The following PPIB variants were observed in gnomAD, a reference collection of about 807,000 sequenced individuals.
PPIB encodes the protein peptidylprolyl isomerase B.
PPIB carries 15 observed loss-of-function variants against 20.1 expected under a neutral mutation model. The observed-to-expected ratio is 0.75, with a 90% CI of 0.50 to 1.15. The LOEUF (loss-of-function observed/expected upper bound fraction) is 1.15, where lower values mean the gene tolerates loss of function less well. Ranked by LOEUF, PPIB falls within the 50% of genes most tolerant of loss-of-function variation. PPIB has a pLI of 0.00. For synonymous variants in PPIB, 129 were observed against 111.0 expected, an observed-to-expected ratio of 1.16 and a Z score of -1.02; for missense variants, 278 against 283.0, an observed-to-expected ratio of 0.98 and a Z score of 0.13.
chr15:64,159,726 G>T lies in PPIB; in HGVS notation c.343+378C>A. ...CACTCTTGCTGGGGCTTCCAGGGTA[G>T]CCTGGACAGGCTTTGGGCATCTGAC... On this transcript the variant is annotated intron_variant, in intron 3 of 4. Transcript: ENST00000300026. This position sits in a 1 kb window ranked among gnomAD's most constrained non-coding sequence, Gnocchi z 5.1. 1 of 333,462 alleles carries T rather than the reference G, an allele frequency of 3.0e-6. No homozygotes were observed. The highest frequency in any genetic ancestry group is 2.7e-5 in the South Asian group (1 of 36,840). 20.7% of individuals were successfully genotyped at this position (333,462 alleles called of 1,614,324 possible). A position where few individuals can be genotyped will look rare whatever the true frequency, so the allele number is the denominator to read the frequency against.
In PPIB at chr15:64,157,834, CA is replaced by C. The variant is rs1193337068; in HGVS notation, c.344-926del. On this transcript the variant is annotated intron_variant, in intron 3 of 4. Coordinates refer to ENST00000300026, the MANE Select transcript of PPIB (RefSeq NM_000942.5). The surrounding 1 kb of genome is among the most constrained non-coding windows in gnomAD (Gnocchi z 4.2). Reference sequence around the variant, plus strand: ...AACCAGGAAGATGTTTCTGATTGGGCAGCAGGTAGGATGACTGAAAACCAAG... The same window carrying C: ...AACCAGGAAGATGTTTCTGATTGGGCGCAGGTAGGATGACTGAAAACCAAG... Among the ~76,000 whole-genome samples, 5 of 152,302 alleles carry C rather than the reference CA, an allele frequency of 3.3e-5. No homozygotes were observed. The South Asian group carries it at 1.0e-3, about 32-fold the overall frequency.
chr15:64,162,267 A>C (rs1596031498), intron 1 of PPIB, 113 bp from the exon 2 acceptor site: 1 of 812,818 alleles, frequency 1.2e-6, no homozygotes, highest in East Asian at 2.4e-5. Flanking sequence ...ATATTTTTAG[A>C]GAAGTGGTTC....
rs2081530259 is a variant in PPIB at position 64,156,205 on chromosome 15, G to A, written c.529-60C>T. The A allele has an allele frequency of 8.1e-6, 13 of 1,606,112 alleles. No homozygotes were observed. Among genetic ancestry groups the A allele is most frequent in the Non-Finnish European group, 1.1e-5 (13 of 1,174,910 alleles). On this transcript the variant is annotated intron_variant, in intron 4 of 4. Transcript: ENST00000300026. This position sits in a 1 kb window ranked among gnomAD's most constrained non-coding sequence, Gnocchi z 6.4. ...GGATCAGGAGGTCCACCGCTCAGGAGAAAGGCCCCAGCGTATGGCTCAGGA... is the reference window on the plus strand; with the variant it reads ...GGATCAGGAGGTCCACCGCTCAGGAAAAAGGCCCCAGCGTATGGCTCAGGA...
Position 64,160,252 on chromosome 15 carries a change from A to G in PPIB, c.250-55T>C. 2.8e-6 allele frequency: 4 copies of G among 1,403,804 alleles called. No individual in the cohort carries two copies. In the South Asian group the frequency reaches 4.6e-5, roughly 16 times the overall value. The allele number at this position is 1,403,804 out of a possible 1,614,324, so 87.0% of individuals were successfully genotyped here. ...TGGTATGGGGCAGCAGGAAGACATT[A>G]CATTAAATAGGCCTCACAGGAACAA... On this transcript the variant is annotated intron_variant, in intron 2 of 4. Transcript: ENST00000300026. This position sits in a 1 kb window ranked among gnomAD's most constrained non-coding sequence, Gnocchi z 4.8.
At chr15:64,162,486 T>C (rs2081568392) in intron 1 of PPIB, among the ~76,000 whole-genome samples, 2 of 152,254 alleles carry the variant, frequency 1.3e-5, no homozygotes, top group Non-Finnish European at 2.9e-5. Context: ...GTTTGAAGTA[T>C]ACATACTGTG....
intron 1 of PPIB, 98 bp downstream of exon 1, chr15:64,162,752 CCA>C: frequency 1.3e-6 from 2 of 1,539,488 alleles, no homozygotes; most frequent in African/African-American, 2.7e-5. Context: ...CGCCACGAGG[CCA>C]CAGACAGAAG....
In PPIB at chr15:64,155,952, G is replaced by A; in HGVS notation, c.*71C>T. The A allele has an allele frequency of 3.7e-6, 6 of 1,610,984 alleles. No individual in the cohort carries two copies. In the South Asian group the frequency reaches 5.5e-5, roughly 15 times the overall value. ...ACCAGATGCCAGCACCGGGGCCAGT[G>A]CAGCTCAGAGCCCTGTGGCGGACTA... On this transcript the variant is annotated 3_prime_UTR_variant, in exon 5 of 5. Transcript: ENST00000300026.
rs1201669579 is a variant in PPIB, at chr15:64,157,165, G to A, written c.344-256C>T. On this transcript the variant is annotated intron_variant, in intron 3 of 4. Transcript: ENST00000300026. The surrounding 1 kb of genome is among the most constrained non-coding windows in gnomAD (Gnocchi z 4.2). ...AGGATTACTTTGAGAAGATAGTTTT[G>A]TGGCTTTTAAATAAGGCGCATGTTA... 2.0e-5 allele frequency: 11 copies of A among 556,572 alleles called. No individual in the cohort carries two copies. Among genetic ancestry groups the A allele is most frequent in the Middle Eastern group, 4.7e-4 (1 of 2,110 alleles). The allele number at this position is 556,572 out of a possible 1,614,324, so 34.5% of individuals were successfully genotyped here.
rs1422324117 is a variant in PPIB at position 64,155,867 on chromosome 15, G to A, written c.*156C>T. 4.6e-6 allele frequency: 5 copies of A among 1,093,632 alleles called. 1 individual carries two copies. In the Admixed American group the frequency reaches 9.0e-5, roughly 20 times the overall value. The allele number at this position is 1,093,632 out of a possible 1,614,324, so 67.7% of individuals were successfully genotyped here. A position where few individuals can be genotyped will look rare whatever the true frequency, so the allele number is the denominator to read the frequency against. ...TTTTTTTATTGGTCAGTGTTGGTAG[G>A]AGTTTGTTACAAAAGTGAGTCCATG... On this transcript the variant is annotated 3_prime_UTR_variant, in exon 5 of 5. Transcript: ENST00000300026.
At position 64,157,176 on chromosome 15, in the gene PPIB, A is replaced by G; in HGVS notation, c.344-267T>C. On this transcript the variant is annotated intron_variant, in intron 3 of 4. Transcript: ENST00000300026. The surrounding 1 kb of genome is among the most constrained non-coding windows in gnomAD (Gnocchi z 4.2). ...GAGAAGATAGTTTTGTGGCTTTTAA[A>G]TAAGGCGCATGTTATCAGCTCCCCT... 3.7e-6 allele frequency: 2 copies of G among 534,062 alleles called. No individual in the cohort carries two copies. 33.1% of individuals were successfully genotyped at this position (534,062 alleles called of 1,614,324 possible). A position where few individuals can be genotyped will look rare whatever the true frequency, so the allele number is the denominator to read the frequency against.
Position 64,160,213 on chromosome 15 carries a change from A to G in PPIB, c.250-16T>C. 6.3e-7 allele frequency: 1 copy of G among 1,594,322 alleles called. No individual in the cohort carries two copies. The highest frequency in any genetic ancestry group is 8.6e-7 in the Non-Finnish European group (1 of 1,161,968). ...CAAATCCTTTCTAGAAAAAGGGAAGAGAAGGTAAGGAGGTGGTATGGGGCA... is the reference window on the plus strand; with the variant it reads ...CAAATCCTTTCTAGAAAAAGGGAAGGGAAGGTAAGGAGGTGGTATGGGGCA... On this transcript the variant is annotated splice_polypyrimidine_tract_variant and intron_variant, in intron 2 of 4. Coordinates refer to ENST00000300026, the MANE Select transcript of PPIB (RefSeq NM_000942.5). The surrounding 1 kb of genome is among the most constrained non-coding windows in gnomAD (Gnocchi z 4.8).
Position 64,160,288 on chromosome 15 carries a change from C to A in PPIB, c.250-91G>T. ...GCCTCACAGGAACAAGTCCACAACT[C>A]CTGCTCGCAGAAGAGACACCACTGC... is the stretch of plus-strand genomic sequence containing the variant. On this transcript the variant is annotated intron_variant, in intron 2 of 4. Transcript: ENST00000300026. This position sits in a 1 kb window ranked among gnomAD's most constrained non-coding sequence, Gnocchi z 4.8. The A allele has an allele frequency of 9.5e-7, 1 of 1,049,092 alleles. No individual in the cohort carries two copies. 65.0% of individuals were successfully genotyped at this position (1,049,092 alleles called of 1,614,324 possible).
At chr15:64,162,245 G>C (rs555996499) in intron 1 of PPIB, 91 bp from the exon 2 acceptor site, 1 of 892,668 alleles carries the variant, frequency 1.1e-6, no homozygotes, top group East Asian at 2.4e-5. Flanking sequence ...GGATGGGAGA[G>C]AGAATAGAGC....
Position 64,160,292 on chromosome 15 carries a change from C to G in PPIB, c.250-95G>C. On this transcript the variant is annotated intron_variant, in intron 2 of 4. Coordinates refer to ENST00000300026, the MANE Select transcript of PPIB (RefSeq NM_000942.5). This position sits in a 1 kb window ranked among gnomAD's most constrained non-coding sequence, Gnocchi z 4.8. ...CACAGGAACAAGTCCACAACTCCTG[C>G]TCGCAGAAGAGACACCACTGCTGAC... The G allele has an allele frequency of 9.8e-7, 1 of 1,015,378 alleles. No individual in the cohort carries two copies. The highest frequency in any genetic ancestry group is 1.5e-6 in the Non-Finnish European group (1 of 647,148). 62.9% of individuals were successfully genotyped at this position (1,015,378 alleles called of 1,614,324 possible). A position where few individuals can be genotyped will look rare whatever the true frequency, so the allele number is the denominator to read the frequency against.
rs2081538994 is a variant in PPIB at position 64,157,097 on chromosome 15, A to AGTGGGGCATCAGGCCAGGCTGAT, written c.344-211_344-189dup. On this transcript the variant is annotated intron_variant, in intron 3 of 4. Coordinates refer to ENST00000300026, the MANE Select transcript of PPIB (RefSeq NM_000942.5). The surrounding 1 kb of genome is among the most constrained non-coding windows in gnomAD (Gnocchi z 4.2). ...AGCCAAGCCATGCTGACTGAGGCCA[A>AGTGGGGCATCAGGCCAGGCTGAT]GTGGGGCATCAGGCCAGGCTGATGT... 4.8e-6 allele frequency: 3 copies of AGTGGGGCATCAGGCCAGGCTGAT among 627,698 alleles called. No individual in the cohort carries two copies. Among genetic ancestry groups the AGTGGGGCATCAGGCCAGGCTGAT allele is most frequent in the Non-Finnish European group, 8.3e-6 (3 of 361,216 alleles). The allele number at this position is 627,698 out of a possible 1,614,324, so 38.9% of individuals were successfully genotyped here. A position where few individuals can be genotyped will look rare whatever the true frequency, so the allele number is the denominator to read the frequency against.
chr15:64,157,008 C>T lies in PPIB; in HGVS notation c.344-99G>A, dbSNP rs942456808. 7.7e-7 allele frequency: 1 copy of T among 1,291,614 alleles called. No individual in the cohort carries two copies. Among genetic ancestry groups the T allele is most frequent in the African/African-American group, 1.5e-5 (1 of 67,926 alleles). 80.0% of individuals were successfully genotyped at this position (1,291,614 alleles called of 1,614,324 possible). ...AGGGGGCTTAACCTGTCCTCTGTGC[C>T]AGGCTAGGCTGGAGTGGACTACAAG... On this transcript the variant is annotated intron_variant, in intron 3 of 4. Transcript: ENST00000300026. This position sits in a 1 kb window ranked among gnomAD's most constrained non-coding sequence, Gnocchi z 4.2.
Position 64,155,882 on chromosome 15 carries a change from G to A in PPIB, c.*141C>T. The A allele has an allele frequency of 7.9e-7, 1 of 1,273,706 alleles. No homozygotes were observed. The highest frequency in any genetic ancestry group is 1.1e-6 in the Non-Finnish European group (1 of 886,432). 78.9% of individuals were successfully genotyped at this position (1,273,706 alleles called of 1,614,324 possible). Reference sequence around the variant, plus strand: ...GTGTTGGTAGGAGTTTGTTACAAAAGTGAGTCCATGGGCCTGTGGAATGTG... The same window carrying A: ...GTGTTGGTAGGAGTTTGTTACAAAAATGAGTCCATGGGCCTGTGGAATGTG... On this transcript the variant is annotated 3_prime_UTR_variant, in exon 5 of 5. Transcript: ENST00000300026.
rs948930145 is a variant in PPIB at position 64,160,595 on chromosome 15, T to C, written c.250-398A>G. ...CCCACTGCCCTCACCCTAGGTGAAG[T>C]CTCCCCAGGAAGCTCTGGACCCCTT... On this transcript the variant is annotated intron_variant, in intron 2 of 4. Transcript: ENST00000300026. This position sits in a 1 kb window ranked among gnomAD's most constrained non-coding sequence, Gnocchi z 4.8. Among the ~76,000 whole-genome samples, 4 of 152,206 alleles carry C rather than the reference T, an allele frequency of 2.6e-5. No individual in the cohort carries two copies. Among genetic ancestry groups the C allele is most frequent in the Non-Finnish European group, 5.9e-5 (4 of 68,026 alleles).
In PPIB at chr15:64,160,307, C is replaced by G. The variant is rs1159574403; in HGVS notation, c.250-110G>C. On this transcript the variant is annotated intron_variant, in intron 2 of 4. Coordinates refer to ENST00000300026, the MANE Select transcript of PPIB (RefSeq NM_000942.5). This position sits in a 1 kb window ranked among gnomAD's most constrained non-coding sequence, Gnocchi z 4.8. ...ACAACTCCTGCTCGCAGAAGAGACA[C>G]CACTGCTGACCACTTTCACTGTTCA... is the stretch of plus-strand genomic sequence containing the variant. 1 of 836,102 alleles carries G rather than the reference C, an allele frequency of 1.2e-6. No individual in the cohort carries two copies. Among genetic ancestry groups the G allele is most frequent in the African/African-American group, 1.7e-5 (1 of 59,610 alleles). The allele number at this position is 836,102 out of a possible 1,614,324, so 51.8% of individuals were successfully genotyped here.
Sources: allele counts gnomAD v4.1 joint callset (sites outside exome capture counted in the v4.1 genomes callset), GRCh38; gene constraint gnomAD v4.1.1; non-coding constraint Gnocchi (gnomAD v3.1); transcripts MANE v1.5; gene names NCBI Gene and HGNC (gene_info 2026-07-23, HGNC 2026-07-21).